The following SPATS2L variants were observed in gnomAD, a reference collection of about 807,000 sequenced individuals.
SPATS2L encodes spermatogenesis associated serine rich 2 like.
A neutral mutation model predicts 59.6 loss-of-function variants in SPATS2L; 30 were observed. That is an observed-to-expected ratio of 0.50 (90% CI 0.38 to 0.68). The LOEUF (loss-of-function observed/expected upper bound fraction) is 0.68. Ranked by LOEUF, SPATS2L falls within the 30% of genes least tolerant of loss-of-function variation. SPATS2L has a pLI of 0.00. For synonymous variants in SPATS2L, 252 were observed against 263.5 expected (o/e 0.96, Z 0.42); for missense variants, 615 against 700.0 (o/e 0.88, Z 1.37).
chr2:200,361,055 C>A (rs1472362268), intron 2 of SPATS2L, among the ~76,000 whole-genome samples: 13 of 148,926 alleles, frequency 8.7e-5, no homozygotes, highest in African/African-American at 3.2e-4. Flanking sequence ...CCCTTTCTAG[C>A]TCCACCCCAC....
chr2:200,344,105 G>GT (rs1352785681), intron 2 of SPATS2L, among the ~76,000 whole-genome samples: 1 of 151,760 alleles, frequency 6.6e-6, no homozygotes, highest in African/African-American at 2.4e-5. Context: ...GAGGGTGCAT[G>GT]TCCAGGTTTG....
intron 8 of SPATS2L, among the ~76,000 whole-genome samples, chr2:200,444,488 G>A (rs554217048): frequency 1.3e-5 from 2 of 152,252 alleles, no homozygotes; most frequent in South Asian, 2.1e-4. Flanking sequence ...ATGGGGTAGC[G>A]TGTGTGCTGG....
intron 2 of SPATS2L, among the ~76,000 whole-genome samples, chr2:200,375,830 T>C (rs1435764934): frequency 1.3e-5 from 2 of 152,142 alleles, no homozygotes; most frequent in African/African-American, 4.8e-5. Flanking sequence ...TTTCACCGTG[T>C]TGCCCAGGCT....
Position 200,479,762 on chromosome 2 carries a change from C to G in SPATS2L, c.*1731C>G. On this transcript the variant is annotated 3_prime_UTR_variant, in exon 13 of 13. Coordinates refer to ENST00000409140, the MANE Select transcript of SPATS2L (RefSeq NM_001100423.2). ...ACCCAGGTTCACTGGTTCTCTTCCA[C>G]AGAGCGGCCCTGAGCAGCTGAGCCT... 5.0e-6 allele frequency: 2 copies of G among 398,664 alleles called. No individual in the cohort carries two copies. The highest frequency in any genetic ancestry group is 8.8e-6 in the Non-Finnish European group (2 of 226,100). The allele number at this position is 398,664 out of a possible 1,614,324, so 24.7% of individuals were successfully genotyped here.
intron 6 of SPATS2L, among the ~76,000 whole-genome samples, chr2:200,436,623 C>A (rs1052981728): frequency 6.6e-6 from 1 of 152,186 alleles, no homozygotes; most frequent in Non-Finnish European, 1.5e-5. Context: ...AGCCTATGCT[C>A]ATTTGCATGC....
At chr2:200,332,338 G>A (rs1296712035) in intron 2 of SPATS2L, among the ~76,000 whole-genome samples, 1 of 152,006 alleles carries the variant, frequency 6.6e-6, no homozygotes, top group Non-Finnish European at 1.5e-5. Flanking sequence ...TCAACCTCCT[G>A]GGCTAACACA....
At chr2:200,323,150 A>G (rs2079619574) in intron 1 of SPATS2L, among the ~76,000 whole-genome samples, 1 of 152,196 alleles carries the variant, frequency 6.6e-6, no homozygotes. Context: ...CTGTGAACAG[A>G]GAATTAGCTA....
intron 2 of SPATS2L, among the ~76,000 whole-genome samples, chr2:200,352,158 G>A (rs2080755226): frequency 6.6e-6 from 1 of 151,884 alleles, no homozygotes; most frequent in African/African-American, 2.4e-5. Context: ...AGGTAGTGCT[G>A]TATTTGTATT....
At chr2:200,439,070 T>C (rs1446026914) in intron 6 of SPATS2L, 52 bp from the exon 7 acceptor site, 2 of 1,495,702 alleles carry the variant, frequency 1.3e-6, no homozygotes, top group South Asian at 1.2e-5. Flanking sequence ...CACTTTATCG[T>C]CAGTGTTTTT....
At chr2:200,467,729 G>A (rs2086696509) in intron 10 of SPATS2L, among the ~76,000 whole-genome samples, 1 of 152,172 alleles carries the variant, frequency 6.6e-6, no homozygotes, top group African/African-American at 2.4e-5. Context: ...TGATTTGTAT[G>A]TATGCATATA....
intron 2 of SPATS2L, chr2:200,371,967 G>C: frequency 2.2e-6 from 2 of 920,820 alleles, no homozygotes; most frequent in Non-Finnish European, 2.6e-6. Context: ...AGGCATTTCT[G>C]GCCCTGCCTG....
intron 3 of SPATS2L, among the ~76,000 whole-genome samples, chr2:200,400,839 G>A (rs368944973): frequency 1.3e-5 from 2 of 152,158 alleles, no homozygotes; most frequent in East Asian, 1.9e-4. Context: ...AATGTTCAGT[G>A]ACTTGACAAA....
At chr2:200,452,601 A>T (rs1208887276) in intron 8 of SPATS2L, among the ~76,000 whole-genome samples, 1 of 152,234 alleles carries the variant, frequency 6.6e-6, no homozygotes, top group African/African-American at 2.4e-5. Context: ...CTCTCATAAA[A>T]GTAGTAGAAA....
intron 8 of SPATS2L, among the ~76,000 whole-genome samples, chr2:200,458,334 A>G (rs940720213): frequency 1.3e-5 from 2 of 152,212 alleles, no homozygotes; most frequent in Admixed American, 1.3e-4. Flanking sequence ...TAAATTTGCC[A>G]TTTTAGATGT....
At chr2:200,357,716 A>G (rs1044883410) in intron 2 of SPATS2L, among the ~76,000 whole-genome samples, 2 of 152,158 alleles carry the variant, frequency 1.3e-5, no homozygotes, top group Admixed American at 1.3e-4. Context: ...TGACAAGTAC[A>G]TTGACTTGGT....
chr2:200,411,799 T>C (rs1014365287), intron 3 of SPATS2L, among the ~76,000 whole-genome samples: 27 of 152,240 alleles, frequency 1.8e-4, no homozygotes, highest in South Asian at 6.2e-4. Flanking sequence ...AAAAATACAA[T>C]GCTCCACATT....
intron 2 of SPATS2L, among the ~76,000 whole-genome samples, chr2:200,337,940 T>A (rs2105812372): frequency 6.6e-6 from 1 of 152,366 alleles, no homozygotes; most frequent in Middle Eastern, 3.4e-3. Context: ...ATTTGTTGAA[T>A]GAACATATAT....
chr2:200,324,511 G>A (rs1056495643), intron 1 of SPATS2L, among the ~76,000 whole-genome samples: 1 of 152,168 alleles, frequency 6.6e-6, no homozygotes, highest in African/African-American at 2.4e-5. Context: ...TGGTACCAAA[G>A]CTTTCATTGA....
At chr2:200,416,273 C>CAAAAAAAAAAAAAAAAAAAAAAGAA in intron 4 of SPATS2L, 106 bp from the exon 5 acceptor site, 1 of 318,486 alleles carries the variant, frequency 3.1e-6, no homozygotes, top group Non-Finnish European at 5.2e-6. Flanking sequence ...ATGAAAAAGC[C>CAAAAAAAAAAAAAAAAAAAAAAGAA]AAAAAAAAAA....
Sources: allele counts gnomAD v4.1 joint callset (sites outside exome capture counted in the v4.1 genomes callset), GRCh38; gene constraint gnomAD v4.1.1; transcripts MANE v1.5; gene names NCBI Gene and HGNC (gene_info 2026-07-23, HGNC 2026-07-21).